Variants in TPO observed in about 807,000 individuals in gnomAD.
The protein encoded by TPO is thyroid microsomal antigen.
Under a neutral mutation model 96.9 loss-of-function variants are expected in TPO, and 78 were observed. The ratio of observed to expected loss-of-function variants is 0.81; its 90% CI spans 0.67 to 0.97. TPO has a LOEUF of 0.97. Ranked by LOEUF, TPO falls within the 50% of genes least tolerant of loss-of-function variation. TPO has a pLI of 0.00. For missense variants in TPO, 1,252 were observed against 1,274.8 expected, an observed-to-expected ratio of 0.98 and a Z score of 0.27; for synonymous variants, 547 against 538.0, an observed-to-expected ratio of 1.02 and a Z score of -0.23.
Position 1,422,361 on chromosome 2 carries a change from C to CTCTCCTGGACAGACCTCGTGCAG in TPO, c.95-684_95-683insTCTCCTGGACAGACCTCGTGCAG, listed in dbSNP as rs1558264460. Among the ~76,000 whole-genome samples the CTCTCCTGGACAGACCTCGTGCAG allele has an allele frequency of 2.4e-4, 34 of 140,330 alleles. No homozygotes were observed. The South Asian group carries it at 3.2e-3, about 13-fold the overall frequency. 92.1% of individuals were successfully genotyped at this position (140,330 alleles called of 152,430 possible). A position where few individuals can be genotyped will look rare whatever the true frequency, so the allele number is the denominator to read the frequency against. On this transcript the variant is annotated intron_variant, in intron 2 of 16. Coordinates refer to ENST00000329066, the MANE Select transcript of TPO (RefSeq NM_001206744.2). Reference sequence around the variant, plus strand: ...TCCTGGACCGACCTCGTGCAGGCGCCGCGCTGGACCGACCTCGTGCAGGCG... The same window carrying CTCTCCTGGACAGACCTCGTGCAG: ...TCCTGGACCGACCTCGTGCAGGCGCCTCTCCTGGACAGACCTCGTGCAGGCGCTGGACCGACCTCGTGCAGGCG...
At chr2:1,396,483 T>C (rs576160970) in intron 1 of TPO, among the ~76,000 whole-genome samples, 1 of 152,348 alleles carries the variant, frequency 6.6e-6, no homozygotes, top group East Asian at 1.9e-4. Context: ...AATCTGACAG[T>C]GCTCGAATAT....
chr2:1,389,335 A>G (rs9326164), intron 1 of TPO, among the ~76,000 whole-genome samples: 13,474 of 152,184 alleles, frequency 0.089, 1,198 homozygotes, highest in East Asian at 0.32. Context: ...CATTGAACAA[A>G]CAAATGTATT....
chr2:1,393,256 A>T (rs1421305631), intron 1 of TPO, among the ~76,000 whole-genome samples: 2 of 152,114 alleles, frequency 1.3e-5, no homozygotes, highest in Non-Finnish European at 2.9e-5. Context: ...CAACCACCAG[A>T]TCTCACAAGA....
chr2:1,449,028 G>A (rs532420769), intron 5 of TPO, among the ~76,000 whole-genome samples: 10 of 152,292 alleles, frequency 6.6e-5, no homozygotes, highest in Admixed American at 4.6e-4. Context: ...TTCCTCCAGC[G>A]GCCATTCTGC....
chr2:1,390,121 C>G (rs1488624589), intron 1 of TPO, among the ~76,000 whole-genome samples: 1 of 151,444 alleles, frequency 6.6e-6, no homozygotes. Flanking sequence ...CCACACCTAT[C>G]AACTCGTTAT....
chr2:1,406,174 T>C (rs1662246760), intron 1 of TPO, among the ~76,000 whole-genome samples: 1 of 152,210 alleles, frequency 6.6e-6, no homozygotes, highest in African/African-American at 2.4e-5. Flanking sequence ...ATTCACATCC[T>C]CCTCTAGAAA....
chr2:1,386,945 G>A (rs1661904967), intron 1 of TPO, among the ~76,000 whole-genome samples: 1 of 152,282 alleles, frequency 6.6e-6, no homozygotes, highest in East Asian at 1.9e-4. Flanking sequence ...TGTCTGTAAA[G>A]GATTTTATTT....
In TPO at chr2:1,477,562, C is replaced by T. The variant is rs1409280254; in HGVS notation, c.1296C>T (p.Ala432=). Residue 432 remains alanine, a synonymous_variant, in exon 8 of 17, where the codon GCC becomes GCT. Transcript: ENST00000329066. ...KALNAHWSAD[A]VYQEARKVVG... is the part of the protein sequence containing the mutation. ...TCAATGCGCACTGGAGCGCGGACGC[C>T]GTGTACCAGGAGGCGCGCAAGGTCG... The T allele has an allele frequency of 3.5e-5, 54 of 1,536,862 alleles. 1 individual carries two copies. Among genetic ancestry groups the T allele is most frequent in the Non-Finnish European group, 4.6e-5 (53 of 1,147,348 alleles).
At chr2:1,482,062 T>C (rs1449530526) in intron 8 of TPO, among the ~76,000 whole-genome samples, 2 of 152,192 alleles carry the variant, frequency 1.3e-5, no homozygotes, top group Non-Finnish European at 2.9e-5. Flanking sequence ...ATTGGACTAA[T>C]AGGGCATGTT....
chr2:1,405,885 G>T (rs764000014), intron 1 of TPO, among the ~76,000 whole-genome samples: 1 of 152,214 alleles, frequency 6.6e-6, no homozygotes, highest in African/African-American at 2.4e-5. Context: ...TCCACTGGAC[G>T]ATATTCTAGA....
chr2:1,468,938 T>C (rs2148645058), intron 7 of TPO, among the ~76,000 whole-genome samples: 1 of 152,348 alleles, frequency 6.6e-6, no homozygotes, highest in East Asian at 1.9e-4. Flanking sequence ...TTGGATTGGG[T>C]TAATCTGAAG....
At chr2:1,526,116 G>A (rs1249045711) in intron 15 of TPO, among the ~76,000 whole-genome samples, 2 of 23,960 alleles carry the variant, frequency 8.3e-5, no homozygotes, top group Admixed American at 6.1e-4. Flanking sequence ...AAATCCCCCC[G>A]ACTCTGTGCA....
chr2:1,404,197 C>T (rs1322320395), intron 1 of TPO, among the ~76,000 whole-genome samples: 2 of 152,132 alleles, frequency 1.3e-5, no homozygotes, highest in Non-Finnish European at 2.9e-5. Context: ...ATGTACAGAC[C>T]TTGCCAGGTG....
intron 15 of TPO, among the ~76,000 whole-genome samples, chr2:1,532,967 G>T (rs1202574184): frequency 3.5e-5 from 2 of 56,390 alleles, no homozygotes; most frequent in African/African-American, 7.8e-5. Flanking sequence ...CCCCCACTGT[G>T]TCCAGCCTCC....
chr2:1,449,192 A>C (rs1196499366), intron 5 of TPO, among the ~76,000 whole-genome samples: 3 of 152,152 alleles, frequency 2.0e-5, no homozygotes, highest in Admixed American at 1.3e-4. Context: ...TTTAACATAG[A>C]ATTTGCTATA....
At chr2:1,529,163 C>A (rs1315483570) in intron 15 of TPO, among the ~76,000 whole-genome samples, 1 of 96,434 alleles carries the variant, frequency 1.0e-5, no homozygotes, top group Admixed American at 1.2e-4. Context: ...TCCCTGAATC[C>A]CCCCACTGTG....
chr2:1,444,415 G>A (rs1666548427), intron 5 of TPO, among the ~76,000 whole-genome samples: 1 of 149,292 alleles, frequency 6.7e-6, no homozygotes, highest in East Asian at 2.1e-4. Flanking sequence ...GCTGCAGGAG[G>A]TACCATGTTG....
intron 10 of TPO, among the ~76,000 whole-genome samples, chr2:1,491,149 G>C (rs1174536243): frequency 6.6e-6 from 1 of 151,900 alleles, no homozygotes. Flanking sequence ...CAGCCTGGGT[G>C]ACAGAGCGAG....
chr2:1,516,865 C>A lies in TPO; in HGVS notation c.2519-18C>A, dbSNP rs752071433. The A allele has an allele frequency of 6.8e-6, 11 of 1,612,682 alleles. No homozygotes were observed. The highest frequency in any genetic ancestry group is 1.3e-5 in the African/African-American group (1 of 75,048). On this transcript the variant is annotated intron_variant, in intron 14 of 16. Coordinates refer to ENST00000329066, the MANE Select transcript of TPO (RefSeq NM_001206744.2). The stretch of plus-strand genomic sequence containing the variant: ...GCCCTGGAAGGTTCTTCTAACCAGG[C>A]CTCTTTCTGTGCCCCAGACTCCGGG...
Sources: allele counts gnomAD v4.1 joint callset (sites outside exome capture counted in the v4.1 genomes callset), GRCh38; gene constraint gnomAD v4.1.1; transcripts MANE v1.5; gene names NCBI Gene and HGNC (gene_info 2026-07-23, HGNC 2026-07-21).